MYO16: variants seen among roughly 807,000 people sequenced by gnomAD.
The protein encoded by MYO16 is myosin XVI, also known as unconventional myosin-XVI.
A neutral mutation model predicts 205.3 loss-of-function variants in MYO16; 94 were observed. That is an observed-to-expected ratio of 0.46 (90% CI 0.39 to 0.54). The LOEUF is 0.54. Ranked by LOEUF, MYO16 falls within the 20% of genes least tolerant of loss-of-function variation. MYO16 has a pLI of 0.00. For synonymous variants in MYO16, 988 were observed against 954.0 expected, an observed-to-expected ratio of 1.04 and a Z score of -0.66; for missense variants, 2,315 against 2,387.5, an observed-to-expected ratio of 0.97 and a Z score of 0.63.
chr13:109,206,977 T>C lies in MYO16; in HGVS notation c.*141T>C. 1 of 660,894 alleles carries C rather than the reference T, an allele frequency of 1.5e-6. No individual in the cohort carries two copies. The highest frequency in any genetic ancestry group is 2.6e-6 in the Non-Finnish European group (1 of 388,248). The allele number at this position is 660,894 out of a possible 1,614,324, so 40.9% of individuals were successfully genotyped here. ...AAGCACAGGACACAGACACTAAATA[T>C]ATGAGATCCCGTGTGTGTGTGTGTG... is the stretch of plus-strand genomic sequence containing the variant. On this transcript the variant is annotated 3_prime_UTR_variant, in exon 35 of 35. Coordinates refer to ENST00000457511, the MANE Select transcript of MYO16 (RefSeq NM_001198950.3).
intron 33 of MYO16, among the ~76,000 whole-genome samples, chr13:109,174,107 G>A (rs1390875685): frequency 6.6e-6 from 1 of 151,944 alleles, no homozygotes; most frequent in Non-Finnish European, 1.5e-5. Context: ...ATTAAAGACT[G>A]TATTGGTGTA....
At chr13:109,187,865 T>G (rs927879384) in intron 34 of MYO16, among the ~76,000 whole-genome samples, 1 of 152,160 alleles carries the variant, frequency 6.6e-6, no homozygotes, top group Non-Finnish European at 1.5e-5. Context: ...GTGGATTAGG[T>G]CTGGTTGGTT....
intron 1 of MYO16, among the ~76,000 whole-genome samples, chr13:108,647,888 G>C (rs749176506): frequency 1.2e-4 from 18 of 152,164 alleles, no homozygotes; most frequent in Non-Finnish European, 2.6e-4. Context: ...GAATACATTA[G>C]CAGATGAATG....
At chr13:108,721,935 T>C (rs1884180239) in intron 3 of MYO16, among the ~76,000 whole-genome samples, 1 of 152,186 alleles carries the variant, frequency 6.6e-6, no homozygotes, top group Non-Finnish European at 1.5e-5. Flanking sequence ...AAGGGCTTGG[T>C]AATTCAGGGC....
At chr13:108,648,230 C>T (rs1376051031) in intron 1 of MYO16, among the ~76,000 whole-genome samples, 1 of 152,144 alleles carries the variant, frequency 6.6e-6, no homozygotes, top group Non-Finnish European at 1.5e-5. Context: ...GTAATATGCT[C>T]CCTGGTCCTT....
At chr13:108,901,086 G>A (rs539622753) in intron 15 of MYO16, among the ~76,000 whole-genome samples, 77 of 152,190 alleles carry the variant, frequency 5.1e-4, no homozygotes, top group African/African-American at 6.7e-4. Flanking sequence ...TGGTCAGACC[G>A]GTTGTCTGCT....
chr13:109,142,175 GAC>G (rs1220743414), intron 32 of MYO16, among the ~76,000 whole-genome samples: 1 of 152,204 alleles, frequency 6.6e-6, no homozygotes. Flanking sequence ...TCCTTCAGAT[GAC>G]ACGACCTCAG....
intron 13 of MYO16, chr13:108,886,330 C>T (rs1879883672): frequency 2.2e-6 from 1 of 449,228 alleles, no homozygotes; most frequent in Non-Finnish European, 4.5e-6. Flanking sequence ...CCTGTACCAA[C>T]CCCTTATTTT....
chr13:108,741,414 T>C (rs562754200), intron 4 of MYO16, among the ~76,000 whole-genome samples: 1 of 152,298 alleles, frequency 6.6e-6, no homozygotes, highest in South Asian at 2.1e-4. Flanking sequence ...GGATAGCACC[T>C]TAGCAGTACA....
chr13:109,040,416 A>AGAGAGAG (rs375579978), intron 23 of MYO16, among the ~76,000 whole-genome samples: 4 of 149,688 alleles, frequency 2.7e-5, no homozygotes, highest in Admixed American at 6.7e-5. Flanking sequence ...AGAGAGAGAG[A>AGAGAGAG]AAATTAAAAA....
chr13:109,066,487 G>A (rs946930540), intron 27 of MYO16, among the ~76,000 whole-genome samples: 1 of 152,166 alleles, frequency 6.6e-6, no homozygotes, highest in Non-Finnish European at 1.5e-5. Flanking sequence ...TCAATGAAAT[G>A]TAAAAGATGA....
chr13:108,656,920 C>T (rs1022373349), intron 1 of MYO16, among the ~76,000 whole-genome samples: 2 of 152,110 alleles, frequency 1.3e-5, no homozygotes, highest in South Asian at 2.1e-4. Context: ...CTAATTGTCC[C>T]GTTTCCTTGG....
At chr13:109,006,557 T>A (rs1334569978) in intron 21 of MYO16, among the ~76,000 whole-genome samples, 1 of 152,186 alleles carries the variant, frequency 6.6e-6, no homozygotes, top group Non-Finnish European at 1.5e-5. Flanking sequence ...TGTTATTTTT[T>A]AACAAAAGCT....
At chr13:108,619,743 C>A (rs1434527615) in intron 1 of MYO16, among the ~76,000 whole-genome samples, 5 of 152,162 alleles carry the variant, frequency 3.3e-5, no homozygotes, top group African/African-American at 7.2e-5. Flanking sequence ...CCCTTCCCTT[C>A]TCCACCTTCT....
intron 20 of MYO16, among the ~76,000 whole-genome samples, chr13:108,983,392 C>A (rs940667361): frequency 1.3e-5 from 2 of 152,120 alleles, no homozygotes; most frequent in African/African-American, 4.8e-5. Flanking sequence ...TTCCGTGAAA[C>A]AAATTTTAAA....
chr13:109,131,428 T>C (rs78312451), intron 31 of MYO16, among the ~76,000 whole-genome samples: 7,284 of 152,270 alleles, frequency 0.048, 322 homozygotes, highest in African/African-American at 0.11. Flanking sequence ...CAGAGAGCAA[T>C]TTTTTCTCAT....
chr13:109,064,348 C>G (rs1338698098), intron 27 of MYO16, among the ~76,000 whole-genome samples: 1 of 152,100 alleles, frequency 6.6e-6, no homozygotes, highest in Non-Finnish European at 1.5e-5. Flanking sequence ...CATCCAAACT[C>G]TGTGCAACTG....
chr13:108,700,623 G>C (rs1427282781), intron 2 of MYO16, among the ~76,000 whole-genome samples: 1 of 152,100 alleles, frequency 6.6e-6, no homozygotes, highest in African/African-American at 2.4e-5. Flanking sequence ...CCACTCACAA[G>C]ATTTGTTTTT....
At chr13:108,936,561 G>A (rs1252735780) in intron 16 of MYO16, among the ~76,000 whole-genome samples, 1 of 152,012 alleles carries the variant, frequency 6.6e-6, no homozygotes, top group Non-Finnish European at 1.5e-5. Flanking sequence ...TGTAGGAGTG[G>A]TTATAATGCC....
Sources: allele counts gnomAD v4.1 joint callset (sites outside exome capture counted in the v4.1 genomes callset), GRCh38; gene constraint gnomAD v4.1.1; transcripts MANE v1.5; gene names NCBI Gene and HGNC (gene_info 2026-07-23, HGNC 2026-07-21).